AVEN: variants seen among roughly 807,000 people sequenced by gnomAD.
AVEN encodes cell death regulator Aven.
A neutral mutation model predicts 38.1 loss-of-function variants in AVEN; 41 were observed. The ratio of observed to expected loss-of-function variants is 1.08; its 90% CI spans 0.84 to 1.40. AVEN has a LOEUF of 1.40. Among genes scored for constraint, AVEN ranks in the 40% most tolerant of loss-of-function variants. AVEN has a pLI of 0.00. For synonymous variants in AVEN, 206 were observed against 171.8 expected (o/e 1.20, Z -1.56); for missense variants, 605 against 438.8 (o/e 1.38, Z -3.38).
intron 5 of AVEN, among the ~76,000 whole-genome samples, chr15:33,867,285 T>C (rs1355151160): frequency 6.6e-6 from 1 of 152,142 alleles, no homozygotes; most frequent in Non-Finnish European, 1.5e-5. Context: ...GGTAGCAGCT[T>C]TGGAAGCTTG....
intron 5 of AVEN, among the ~76,000 whole-genome samples, chr15:34,049,334 A>G (rs982277929): frequency 2.0e-5 from 3 of 152,236 alleles, no homozygotes; most frequent in Non-Finnish European, 1.5e-5. Context: ...GCTGACAGCC[A>G]GAGTAGCCAG....
chr15:33,876,639 T>A (rs62016712), intron 2 of AVEN, among the ~76,000 whole-genome samples: 11,142 of 152,188 alleles, frequency 0.073, 486 homozygotes, highest in South Asian at 0.2. Context: ...TTTGTGGATA[T>A]ACATGTGTAT....
At chr15:34,018,858 T>C (rs143033042) in intron 1 of AVEN, among the ~76,000 whole-genome samples, 1 of 104,416 alleles carries the variant, frequency 9.6e-6, no homozygotes, top group Non-Finnish European at 2.3e-5. Context: ...TACAGAGTGC[T>C]GATCAGTGCA....
intron 2 of AVEN, among the ~76,000 whole-genome samples, chr15:33,962,915 T>G (rs1417959611): frequency 1.1e-5 from 1 of 87,812 alleles, no homozygotes; most frequent in Non-Finnish European, 2.0e-5. Flanking sequence ...GCGAAACTCG[T>G]TCTCAAAAAA....
intron 5 of AVEN, among the ~76,000 whole-genome samples, chr15:34,046,335 T>C (rs1311797304): frequency 1.4e-5 from 1 of 71,526 alleles, no homozygotes; most frequent in African/African-American, 5.2e-5. Flanking sequence ...TCCCAAAAAG[T>C]GAGGCAGGAA....
intron 2 of AVEN, among the ~76,000 whole-genome samples, chr15:33,894,362 T>C (rs979084698): frequency 1.3e-5 from 2 of 151,948 alleles, no homozygotes; most frequent in Non-Finnish European, 2.9e-5. Context: ...TGCAGCTACA[T>C]AACAGGAAGG....
At chr15:33,872,320 G>T (rs1037671455) in intron 3 of AVEN, among the ~76,000 whole-genome samples, 2 of 152,112 alleles carry the variant, frequency 1.3e-5, no homozygotes, top group African/African-American at 4.8e-5. Flanking sequence ...TCTGTATAAA[G>T]GCACACTCTT....
chr15:33,975,710 T>C (rs1171402875), intron 2 of AVEN, among the ~76,000 whole-genome samples: 1 of 152,148 alleles, frequency 6.6e-6, no homozygotes, highest in Admixed American at 6.5e-5. Flanking sequence ...GGCAGGTGAA[T>C]CATGAGGTCA....
exon 1 of AVEN, among the ~76,000 whole-genome samples, chr15:34,074,633 T>A (rs1185980889): frequency 1.3e-5 from 2 of 152,142 alleles, no homozygotes; most frequent in African/African-American, 4.8e-5. Flanking sequence ...GGTCTCTGTG[T>A]CTCAATTTCT....
At chr15:33,865,030 A>ACAT, downstream of AVEN, 2 of 792,180 alleles carry the variant, frequency 2.5e-6, no homozygotes, top group Non-Finnish European at 4.2e-6. Context: ...ATATAAATTC[A>ACAT]CATCAGTCTT....
At chr15:33,876,142 C>T in intron 2 of AVEN, 147 bp from the exon 3 acceptor site, 2 of 652,260 alleles carry the variant, frequency 3.1e-6, no homozygotes, top group Non-Finnish European at 5.2e-6. Context: ...ATACCTCCAA[C>T]TCCATTTCCA....
At chr15:33,921,055 C>A (rs575192609) in intron 2 of AVEN, among the ~76,000 whole-genome samples, 1 of 152,296 alleles carries the variant, frequency 6.6e-6, no homozygotes, top group African/African-American at 2.4e-5. Flanking sequence ...GGATTACTGG[C>A]GTGAGCTACC....
chr15:34,074,963 G>A (rs890742951), exon 1 of AVEN, among the ~76,000 whole-genome samples: 7 of 152,190 alleles, frequency 4.6e-5, no homozygotes, highest in Non-Finnish European at 8.8e-5. Context: ...CAGATCATGA[G>A]GTCAGGAGAT....
At chr15:33,876,665 C>T (rs565103980) in intron 2 of AVEN, among the ~76,000 whole-genome samples, 1 of 152,272 alleles carries the variant, frequency 6.6e-6, no homozygotes, top group South Asian at 2.1e-4. Context: ...CATACCACAA[C>T]AGACTTAAAC....
At chr15:33,945,783 C>T (rs1452759673) in intron 2 of AVEN, among the ~76,000 whole-genome samples, 1 of 152,190 alleles carries the variant, frequency 6.6e-6, no homozygotes. Context: ...GACGGGGTTT[C>T]GCTATGTTGG....
chr15:33,974,058 A>T (rs1363796025), intron 2 of AVEN, among the ~76,000 whole-genome samples: 1 of 152,214 alleles, frequency 6.6e-6, no homozygotes, highest in Non-Finnish European at 1.5e-5. Context: ...TGATATTATG[A>T]GGTATGCAAA....
chr15:34,010,149 T>C (rs1190273924), intron 1 of AVEN, among the ~76,000 whole-genome samples: 1 of 152,106 alleles, frequency 6.6e-6, no homozygotes. Context: ...AAAGGAACCA[T>C]ATGCTTAACA....
chr15:34,025,381 T>G (rs2684932), intron 1 of AVEN, among the ~76,000 whole-genome samples: 1 of 152,020 alleles, frequency 6.6e-6, no homozygotes, highest in Non-Finnish European at 1.5e-5. Flanking sequence ...GAATAAAAAA[T>G]GAGCAGGAAG....
At chr15:33,951,841 T>A (rs890668936) in intron 2 of AVEN, among the ~76,000 whole-genome samples, 1 of 152,190 alleles carries the variant, frequency 6.6e-6, no homozygotes, top group African/African-American at 2.4e-5. Context: ...AGAGGAAAGT[T>A]TGATAAATAG....
Sources: allele counts gnomAD v4.1 joint callset (sites outside exome capture counted in the v4.1 genomes callset), GRCh38; gene constraint gnomAD v4.1.1; transcripts MANE v1.5; gene names NCBI Gene and HGNC (gene_info 2026-07-23, HGNC 2026-07-21).